SEMA5A: variants seen among roughly 807,000 people sequenced by gnomAD.
SEMA5A encodes semaphorin-5A.
A neutral mutation model predicts 135.5 loss-of-function variants in SEMA5A; 55 were observed. That is an observed-to-expected ratio of 0.41 (90% CI 0.33 to 0.51). The LOEUF (loss-of-function observed/expected upper bound fraction) is 0.51. SEMA5A is among the 20% of genes least tolerant of loss of function. The pLI is 0.37. For synonymous variants in SEMA5A, 580 were observed against 546.5 expected (o/e 1.06, Z -0.85); for missense variants, 1,290 against 1,419.9 (o/e 0.91, Z 1.47).
chr5:9,168,385 G>A (rs1743729002), intron 11 of SEMA5A, among the ~76,000 whole-genome samples: 1 of 152,202 alleles, frequency 6.6e-6, no homozygotes, highest in African/African-American at 2.4e-5. Context: ...CATATCACCA[G>A]ATGCCAACAG....
intron 7 of SEMA5A, among the ~76,000 whole-genome samples, 162 bp from the exon 8 acceptor site, chr5:9,225,049 C>A (rs941680609): frequency 6.6e-6 from 1 of 152,078 alleles, no homozygotes; most frequent in African/African-American, 2.4e-5. Flanking sequence ...ATGTAAAGAG[C>A]CTACTCTGCT....
At chr5:9,342,633 T>C (rs73050541) in intron 3 of SEMA5A, among the ~76,000 whole-genome samples, 1,555 of 152,334 alleles carry the variant, frequency 0.01, 25 homozygotes, top group African/African-American at 0.036. Context: ...AGCCTACTTC[T>C]ATTTATCATG....
At chr5:9,263,120 T>C (rs1749493485) in intron 5 of SEMA5A, among the ~76,000 whole-genome samples, 1 of 151,708 alleles carries the variant, frequency 6.6e-6, no homozygotes, top group Non-Finnish European at 1.5e-5. Flanking sequence ...AATATTTGTA[T>C]TTGAAGAAAC....
intron 7 of SEMA5A, 109 bp from the exon 8 acceptor site, chr5:9,224,996 GGGGGCCCAT>G: frequency 1.0e-6 from 1 of 993,578 alleles, no homozygotes; most frequent in East Asian, 2.6e-5. Context: ...ACAGCCTCTC[GGGGGCCCAT>G]GGGGCAAGAT....
At chr5:9,168,489 G>T (rs1743735356) in intron 11 of SEMA5A, among the ~76,000 whole-genome samples, 1 of 152,186 alleles carries the variant, frequency 6.6e-6, no homozygotes, top group Non-Finnish European at 1.5e-5. Context: ...AAGGTCAAGG[G>T]AAGCACTTTA....
Position 9,151,353 on chromosome 5 carries a change from G to C in SEMA5A, c.1481+3135C>G, listed in dbSNP as rs1002823418. Among the ~76,000 whole-genome samples, 4 of 152,234 alleles carry C rather than the reference G, an allele frequency of 2.6e-5. No homozygotes were observed. In the East Asian group the frequency reaches 7.7e-4, roughly 29 times the overall value. Reference sequence around the variant, plus strand: ...TAAATACTTCAAGATTCATTTATAAGACTGGTTTTCCAATAATAAATGGCA... The same window carrying C: ...TAAATACTTCAAGATTCATTTATAACACTGGTTTTCCAATAATAAATGGCA... On this transcript the variant is annotated intron_variant, in intron 12 of 22. Transcript: ENST00000382496.
chr5:9,101,281 G>T (rs992652801), intron 16 of SEMA5A, among the ~76,000 whole-genome samples: 6 of 152,178 alleles, frequency 3.9e-5, no homozygotes, highest in African/African-American at 1.4e-4. Flanking sequence ...TGTAGTGGGG[G>T]AAACAAGCAG....
At chr5:9,536,843 G>A (rs1737796620) in intron 1 of SEMA5A, among the ~76,000 whole-genome samples, 1 of 152,110 alleles carries the variant, frequency 6.6e-6, no homozygotes, top group Admixed American at 6.5e-5. Flanking sequence ...TCTCTTCACT[G>A]ACACTGGCAA....
At chr5:9,237,713 T>G (rs1747985040) in intron 6 of SEMA5A, 115 bp downstream of exon 6, 6 of 879,548 alleles carry the variant, frequency 6.8e-6, no homozygotes, top group Non-Finnish European at 1.0e-5. Context: ...TGAATCTTGC[T>G]TTTTTCACTT....
chr5:9,378,629 G>A (rs1358681250), intron 3 of SEMA5A, among the ~76,000 whole-genome samples: 1 of 152,190 alleles, frequency 6.6e-6, no homozygotes, highest in Non-Finnish European at 1.5e-5. Flanking sequence ...AACTGTCCAG[G>A]ACAAAGAACT....
chr5:9,354,883 T>C (rs2126328006), intron 3 of SEMA5A, among the ~76,000 whole-genome samples: 1 of 152,136 alleles, frequency 6.6e-6, no homozygotes, highest in East Asian at 1.9e-4. Flanking sequence ...GAGGGAGTTG[T>C]CTGGGGAAAG....
intron 12 of SEMA5A, among the ~76,000 whole-genome samples, chr5:9,149,725 C>T (rs1742529209): frequency 6.6e-6 from 1 of 152,194 alleles, no homozygotes; most frequent in Non-Finnish European, 1.5e-5. Flanking sequence ...TTTTCTTAGC[C>T]TTGAAGAGGT....
intron 5 of SEMA5A, among the ~76,000 whole-genome samples, chr5:9,264,891 A>G (rs146209987): frequency 2.2e-4 from 34 of 152,290 alleles, no homozygotes; most frequent in African/African-American, 7.9e-4. Context: ...GGGAAGAAAC[A>G]TGGGGCGAGG....
intron 5 of SEMA5A, among the ~76,000 whole-genome samples, chr5:9,241,015 G>C (rs1044653409): frequency 1.3e-5 from 2 of 151,946 alleles, no homozygotes; most frequent in African/African-American, 2.4e-5. Context: ...TAGCCCAGTA[G>C]AGAAAAGAAA....
chr5:9,538,356 G>T (rs1174968857), intron 1 of SEMA5A, among the ~76,000 whole-genome samples: 2 of 152,078 alleles, frequency 1.3e-5, no homozygotes, highest in East Asian at 3.9e-4. Context: ...CTGCCACTGG[G>T]TCTGGCTGTT....
At chr5:9,209,506 C>T (rs1746228462) in intron 8 of SEMA5A, among the ~76,000 whole-genome samples, 1 of 152,076 alleles carries the variant, frequency 6.6e-6, no homozygotes, top group African/African-American at 2.4e-5. Flanking sequence ...ATTTTAAAAT[C>T]TGGTAAATAT....
At chr5:9,197,775 TG>T (rs1745491981) in intron 9 of SEMA5A, among the ~76,000 whole-genome samples, 5 of 135,512 alleles carry the variant, frequency 3.7e-5, no homozygotes, top group Middle Eastern at 7.8e-3. Flanking sequence ...TGTGTGTGTG[TG>T]TGTGTGTGTT....
intron 8 of SEMA5A, among the ~76,000 whole-genome samples, chr5:9,213,456 G>A (rs563497097): frequency 3.3e-5 from 5 of 152,316 alleles, no homozygotes; most frequent in Admixed American, 6.5e-5. Flanking sequence ...GGAGGGAGCT[G>A]TGATCTGAAA....
chr5:9,092,161 G>T (rs963030449), intron 16 of SEMA5A, among the ~76,000 whole-genome samples: 1 of 152,300 alleles, frequency 6.6e-6, no homozygotes, highest in African/African-American at 2.4e-5. Context: ...TCATACTCAT[G>T]GTTGTTCCAG....
Sources: allele counts gnomAD v4.1 joint callset (sites outside exome capture counted in the v4.1 genomes callset), GRCh38; gene constraint gnomAD v4.1.1; transcripts MANE v1.5; gene names NCBI Gene and HGNC (gene_info 2026-07-23, HGNC 2026-07-21).